The following JAM3 variants were observed in gnomAD, a reference collection of about 807,000 sequenced individuals.
JAM3 encodes the protein junctional adhesion molecule 3.
Under a neutral mutation model 39.4 loss-of-function variants are expected in JAM3, and 31 were observed. The ratio of observed to expected loss-of-function variants is 0.79; its 90% confidence interval spans 0.59 to 1.06. The LOEUF (loss-of-function observed/expected upper bound fraction) is 1.06. JAM3 is among the 50% of genes least tolerant of loss of function. The probability of loss-of-function intolerance (pLI) is 0.00; values close to 1 mark genes in which losing one functional copy is unlikely to be tolerated. For synonymous variants in JAM3, 182 were observed against 148.7 expected (o/e 1.22, Z -1.63); for missense variants, 455 against 391.4 (o/e 1.16, Z -1.37).
chr11:134,089,786 T>C (rs550042493), intron 1 of JAM3, among the ~76,000 whole-genome samples: 106 of 152,350 alleles, frequency 7.0e-4, no homozygotes, highest in African/African-American at 2.5e-3. Flanking sequence ...CATGTGTCTT[T>C]ATAGCAGCAT....
intron 1 of JAM3, chr11:134,124,105 T>G (rs1381254091): frequency 1.3e-6 from 2 of 1,485,040 alleles, no homozygotes; most frequent in Non-Finnish European, 1.9e-6. Flanking sequence ...ACTATCTGAT[T>G]AGGGGGTGGA....
intron 1 of JAM3, among the ~76,000 whole-genome samples, chr11:134,100,697 C>T (rs1415250469): frequency 6.6e-6 from 1 of 152,108 alleles, no homozygotes; most frequent in African/African-American, 2.4e-5. Flanking sequence ...TTTACGTATG[C>T]TCTCTTACTC....
At chr11:134,093,163 T>C (rs1489778226) in intron 1 of JAM3, among the ~76,000 whole-genome samples, 8 of 123,272 alleles carry the variant, frequency 6.5e-5, no homozygotes, top group South Asian at 2.9e-4. Flanking sequence ...ACATGTCACT[T>C]CCTGAGGGAA....
chr11:134,101,803 A>G (rs1327843443), intron 1 of JAM3, among the ~76,000 whole-genome samples: 1 of 152,160 alleles, frequency 6.6e-6, no homozygotes, highest in Non-Finnish European at 1.5e-5. Context: ...TTATAAGCTC[A>G]TGCCTGTAAT....
intron 1 of JAM3, among the ~76,000 whole-genome samples, chr11:134,101,976 C>G (rs1942083296): frequency 6.6e-6 from 1 of 152,138 alleles, no homozygotes; most frequent in African/African-American, 2.4e-5. Flanking sequence ...ATTGCTTGAG[C>G]ACAGGAGTTT....
intron 1 of JAM3, among the ~76,000 whole-genome samples, chr11:134,106,031 A>G (rs1270289904): frequency 6.6e-6 from 1 of 152,234 alleles, no homozygotes; most frequent in African/African-American, 2.4e-5. Context: ...AAAAGAGCCC[A>G]CATTGCCAAG....
chr11:134,127,874 G>A (rs959489236), intron 1 of JAM3, among the ~76,000 whole-genome samples: 1 of 152,050 alleles, frequency 6.6e-6, no homozygotes, highest in African/African-American at 2.4e-5. Context: ...AGTATTCAGG[G>A]GACCTCTCCA....
chr11:134,112,971 C>T (rs11604455), intron 1 of JAM3, among the ~76,000 whole-genome samples: 11,809 of 152,102 alleles, frequency 0.078, 599 homozygotes, highest in Admixed American at 0.11. Context: ...GAGTGGGCTC[C>T]AAGTAATACC....
In JAM3 at chr11:134,150,479, C is replaced by G. The variant is rs1314267039; in HGVS notation, c.*1298C>G. ...CCTTGGGCCCTGGCAGTGGCTGTGTCCCAGTGAGCTTTACTCACGTGGCCC... is the reference window on the plus strand; with the variant it reads ...CCTTGGGCCCTGGCAGTGGCTGTGTGCCAGTGAGCTTTACTCACGTGGCCC... On this transcript the variant is annotated 3_prime_UTR_variant, in exon 9 of 9. Coordinates refer to ENST00000299106, the MANE Select transcript of JAM3 (RefSeq NM_032801.5). 1 of 152,210 alleles carries G rather than the reference C, an allele frequency of 6.6e-6. No individual in the cohort carries two copies. Among genetic ancestry groups the G allele is most frequent in the Non-Finnish European group, 1.5e-5 (1 of 68,030 alleles). 9.4% of individuals were successfully genotyped at this position (152,210 alleles called of 1,614,324 possible).
chr11:134,075,789 T>C (rs1941559190), intron 1 of JAM3, among the ~76,000 whole-genome samples: 1 of 152,196 alleles, frequency 6.6e-6, no homozygotes, highest in African/African-American at 2.4e-5. Flanking sequence ...TGAGTTTCTT[T>C]CTTTCTTGAG....
At chr11:134,124,377 G>GAA (rs1420514056) in intron 1 of JAM3, 1 of 655,374 alleles carries the variant, frequency 1.5e-6, no homozygotes, top group Non-Finnish European at 2.8e-6. Context: ...TGGGAAAAGT[G>GAA]AAAGAAATCA....
chr11:134,082,843 G>A (rs1941689253), intron 1 of JAM3, among the ~76,000 whole-genome samples: 1 of 152,172 alleles, frequency 6.6e-6, no homozygotes. Flanking sequence ...TGAGAAGCCT[G>A]CTTTAGGGCC....
rs759375850 is a variant in JAM3 at position 134,150,301 on chromosome 11, C to T, written c.*1120C>T. 1 of 152,334 alleles carries T rather than the reference C, an allele frequency of 6.6e-6. No homozygotes were observed. Among genetic ancestry groups the T allele is most frequent in the Non-Finnish European group, 1.5e-5 (1 of 68,130 alleles). 9.4% of individuals were successfully genotyped at this position (152,334 alleles called of 1,614,324 possible). A position where few individuals can be genotyped will look rare whatever the true frequency, so the allele number is the denominator to read the frequency against. On this transcript the variant is annotated 3_prime_UTR_variant, in exon 9 of 9. Transcript: ENST00000299106. Reference sequence around the variant, plus strand: ...ACCTCTCAGGTTAGCTTTGAACTGCCTCTTCCTGAGATGACTAGGACAGTC... The same window carrying T: ...ACCTCTCAGGTTAGCTTTGAACTGCTTCTTCCTGAGATGACTAGGACAGTC...
chr11:134,070,159 A>C, intron 1 of JAM3: 1 of 456,200 alleles, frequency 2.2e-6, no homozygotes, highest in Non-Finnish European at 4.4e-6. Flanking sequence ...AGGTTTCATT[A>C]ATCCATTTTC....
chr11:134,070,456 G>GA (rs1298172214), intron 1 of JAM3, among the ~76,000 whole-genome samples: 1 of 152,204 alleles, frequency 6.6e-6, no homozygotes, highest in African/African-American at 2.4e-5. Flanking sequence ...ATGCTAATGG[G>GA]ATGCTCGTGA....
chr11:134,072,804 G>T (rs1032480662), intron 1 of JAM3, among the ~76,000 whole-genome samples: 6 of 152,322 alleles, frequency 3.9e-5, no homozygotes, highest in Non-Finnish European at 8.8e-5. Flanking sequence ...CAGCTACTCT[G>T]GAGGCTGAGG....
At chr11:134,111,129 CCAT>C (rs1942300312) in intron 1 of JAM3, among the ~76,000 whole-genome samples, 1 of 138,132 alleles carries the variant, frequency 7.2e-6, no homozygotes. Flanking sequence ...CAACACACAT[CCAT>C]CTTTTTTTTT....
In JAM3 at chr11:134,139,839, T is replaced by A. The variant is rs1481647542; in HGVS notation, c.77-12T>A. ...TACATTGTCTCTGATTTTACTTTTC[T>A]TTCTCCTTCAGGCTGCCTGATAGGG... On this transcript the variant is annotated splice_polypyrimidine_tract_variant and intron_variant, in intron 1 of 8. Coordinates refer to ENST00000299106, the MANE Select transcript of JAM3 (RefSeq NM_032801.5). The A allele has an allele frequency of 2.5e-6, 4 of 1,611,276 alleles. No individual in the cohort carries two copies. The highest frequency in any genetic ancestry group is 1.7e-6 in the Non-Finnish European group (2 of 1,177,404).
chr11:134,106,971 T>C (rs140907013), intron 1 of JAM3, among the ~76,000 whole-genome samples: 2,459 of 152,148 alleles, frequency 0.016, 48 homozygotes, highest in African/African-American at 0.055. Context: ...ACCCAGCCAT[T>C]CCATTACTGG....
Sources: allele counts gnomAD v4.1 joint callset (sites outside exome capture counted in the v4.1 genomes callset), GRCh38; gene constraint gnomAD v4.1.1; transcripts MANE v1.5; gene names NCBI Gene and HGNC (gene_info 2026-07-23, HGNC 2026-07-21).